The following USP24 variants were observed in gnomAD, a reference collection of about 807,000 sequenced individuals.
USP24 encodes the protein ubiquitin specific peptidase 24.
A neutral mutation model predicts 361.6 loss-of-function variants in USP24; 97 were observed. The ratio of observed to expected loss-of-function variants is 0.27; its 90% confidence interval spans 0.23 to 0.32. The LOEUF is 0.32. Among genes scored for constraint, USP24 ranks in the 10% least tolerant of loss-of-function variants. The pLI is 1.00. For synonymous variants in USP24, 1,098 were observed against 1,124.6 expected, an observed-to-expected ratio of 0.98 and a Z score of 0.47; for missense variants, 2,353 against 3,165.6, an observed-to-expected ratio of 0.74 and a Z score of 6.16.
chr1:55,070,853 G>A (rs78736316), intron 67 of USP24, among the ~76,000 whole-genome samples: 15,726 of 152,274 alleles, frequency 0.1, 1,073 homozygotes, highest in Non-Finnish European at 0.15. Flanking sequence ...GGGCGGGGAT[G>A]AGCGCTAGGG....
chr1:55,112,694 A>G (rs548766741), intron 38 of USP24, among the ~76,000 whole-genome samples: 66 of 152,262 alleles, frequency 4.3e-4, no homozygotes, highest in African/African-American at 1.4e-3. Context: ...TTATGTGGTC[A>G]ATTTTAGAGT....
At position 55,079,538 on chromosome 1, in the gene USP24, C is replaced by T; in HGVS notation, c.7200G>A (p.Glu2400=). The T allele has an allele frequency of 6.4e-7, 1 of 1,571,398 alleles. No individual in the cohort carries two copies. Among genetic ancestry groups the T allele is most frequent in the Non-Finnish European group, 8.6e-7 (1 of 1,166,200 alleles). ...FMSEGKPYLL[E]VMFALRELTG... is the part of the protein sequence containing the mutation. ...TGGCTTTAGAATAACAAGTACATAC[C>T]TCTAACAGGTAAGGTTTCCCTTCAG... The change falls in exon 60 of 68, where the codon GAG becomes GAA. Residue 2400 remains glutamate, a splice_region_variant and synonymous_variant. Transcript: ENST00000294383.
At chr1:55,166,465 A>C in intron 6 of USP24, 103 bp downstream of exon 6, 1 of 1,073,714 alleles carries the variant, frequency 9.3e-7, no homozygotes, top group Non-Finnish European at 1.3e-6. Context: ...CATTTTTTTT[A>C]TTATTCTCTG....
At chr1:55,133,930 G>A in intron 30 of USP24, 140 bp downstream of exon 30, 2 of 815,744 alleles carry the variant, frequency 2.5e-6, no homozygotes, top group South Asian at 3.4e-5. Context: ...ACTGCACTGG[G>A]CTGGTGAAGG....
intron 1 of USP24, among the ~76,000 whole-genome samples, chr1:55,211,076 T>A (rs1425824997): frequency 1.3e-5 from 2 of 152,232 alleles, no homozygotes; most frequent in Admixed American, 6.5e-5. Flanking sequence ...AGATTTCTAC[T>A]GATCCCCTGG....
chr1:55,213,881 C>G (rs1349617798), intron 1 of USP24, among the ~76,000 whole-genome samples: 1 of 152,102 alleles, frequency 6.6e-6, no homozygotes, highest in African/African-American at 2.4e-5. Flanking sequence ...CCTCCTCCAC[C>G]CCCACTGCGC....
At chr1:55,074,724 GTTT>G (rs1644990969) in intron 63 of USP24, among the ~76,000 whole-genome samples, 1 of 151,944 alleles carries the variant, frequency 6.6e-6, no homozygotes, top group Non-Finnish European at 1.5e-5. Flanking sequence ...GGAGTTTATA[GTTT>G]TTAAGTTCCA....
intron 21 of USP24, among the ~76,000 whole-genome samples, chr1:55,143,614 GA>G (rs1191040590): frequency 1.3e-5 from 2 of 151,176 alleles, no homozygotes; most frequent in Admixed American, 6.6e-5. Context: ...AAAGGACTTG[GA>G]AAAAGAGTTA....
At chr1:55,153,503 C>T (rs1647313758) in intron 16 of USP24, among the ~76,000 whole-genome samples, 1 of 152,148 alleles carries the variant, frequency 6.6e-6, no homozygotes. Context: ...GAATGCTCCT[C>T]CATTTCTCCT....
chr1:55,168,596 A>C (rs979731276), intron 5 of USP24, among the ~76,000 whole-genome samples: 2 of 152,132 alleles, frequency 1.3e-5, no homozygotes, highest in Non-Finnish European at 2.9e-5. Context: ...AGGGTGACTC[A>C]AGAAGGAAAT....
At chr1:55,132,823 C>A in intron 30 of USP24, 123 bp from the exon 31 acceptor site, 1 of 1,000,288 alleles carries the variant, frequency 1.0e-6, no homozygotes, top group South Asian at 2.3e-5. Flanking sequence ...ATGCTATTTT[C>A]TAAAAATTAA....
intron 38 of USP24, among the ~76,000 whole-genome samples, chr1:55,120,014 G>A (rs1017493224): frequency 6.6e-6 from 1 of 152,142 alleles, no homozygotes; most frequent in African/African-American, 2.4e-5. Context: ...TGGTGAAGGT[G>A]AGTTAGAAAA....
At chr1:55,164,779 A>G (rs1307155629) in intron 7 of USP24, among the ~76,000 whole-genome samples, 1 of 151,956 alleles carries the variant, frequency 6.6e-6, no homozygotes, top group Non-Finnish European at 1.5e-5. Flanking sequence ...TCCAAGTAGG[A>G]TAGAAATTTG....
rs1276521470 is a variant in USP24, at chr1:55,066,657, CAGG to C, written c.*2385_*2387del. ...GTTGTCAGTGACCGTGTGAGGACTCCAGGAGAAGTCGTGGTGAGATGCCCGCTG... is the reference window on the plus strand; with the variant it reads ...GTTGTCAGTGACCGTGTGAGGACTCCAGAAGTCGTGGTGAGATGCCCGCTG... On this transcript the variant is annotated 3_prime_UTR_variant, in exon 68 of 68. Coordinates refer to ENST00000294383, the MANE Select transcript of USP24 (RefSeq NM_015306.3). 2 of 152,098 alleles carry C rather than the reference CAGG, an allele frequency of 1.3e-5. No homozygotes were observed. The highest frequency in any genetic ancestry group is 2.1e-4 in the South Asian group (1 of 4,820). The allele number at this position is 152,098 out of a possible 1,614,324, so 9.4% of individuals were successfully genotyped here.
chr1:55,124,658 G>C (rs773510816), intron 34 of USP24, 30 bp from the exon 35 acceptor site: 1 of 1,611,216 alleles, frequency 6.2e-7, no homozygotes, highest in Admixed American at 1.7e-5. Context: ...TTATGAGAAA[G>C]AGCAATACTT....
At chr1:55,154,339 T>C in intron 14 of USP24, 32 bp downstream of exon 14, 3 of 1,560,230 alleles carry the variant, frequency 1.9e-6, no homozygotes, top group Non-Finnish European at 2.6e-6. Context: ...TTTGAGCATT[T>C]GTAGCTAGAA....
intron 67 of USP24, among the ~76,000 whole-genome samples, chr1:55,070,036 G>A (rs1644888866): frequency 6.6e-6 from 1 of 151,976 alleles, no homozygotes; most frequent in South Asian, 2.1e-4. Flanking sequence ...GTGGAGGTGA[G>A]GGGATCCTTA....
Position 55,072,854 on chromosome 1 carries a change from C to T in USP24, c.7534G>A (p.Ala2512Thr). Residue 2512 changes from alanine to threonine, a missense_variant, in exon 65 of 68, where the codon GCA becomes ACA. Physicochemically the swap from Ala to Thr is moderately conservative, Grantham distance 58. Around this residue, in one of 8 missense-constraint regions of USP24, gnomAD observed 598 missense variants for 761.9 expected, o/e 0.78. Transcript: ENST00000294383. ...TTCTCCTTGAAGTACTCCTTAGCTG[C>T]AGGACACCTGATGACCGAGGAGATT... The part of the protein sequence containing the change: ...FLVTLAQKCP[A>T]AKEYFKENSH... 1.2e-6 allele frequency: 2 copies of T among 1,606,562 alleles called. No individual in the cohort carries two copies. Among genetic ancestry groups the T allele is most frequent in the Non-Finnish European group, 1.7e-6 (2 of 1,176,484 alleles).
chr1:55,208,419 G>A (rs754750509), intron 1 of USP24, among the ~76,000 whole-genome samples: 6 of 152,094 alleles, frequency 3.9e-5, no homozygotes, highest in Non-Finnish European at 8.8e-5. Flanking sequence ...CTTGAGGCCA[G>A]AAGTTCAAGA....
Sources: gnomAD v4.1 joint callset for allele counts (sites outside exome capture counted in the v4.1 genomes callset) on GRCh38, gnomAD v4.1.1 for gene constraint, gnomAD v4.1.1 regional missense constraint, MANE v1.5 for transcripts, NCBI Gene and HGNC (gene_info 2026-07-23, HGNC 2026-07-21) for gene names.